SLC25A31: variants seen among roughly 807,000 people sequenced by gnomAD.
SLC25A31 encodes the protein ADP/ATP translocase 4.
A neutral mutation model predicts 36.2 loss-of-function variants in SLC25A31; 40 were observed. The ratio of observed to expected loss-of-function variants is 1.10; its 90% CI spans 0.86 to 1.44. The LOEUF (loss-of-function observed/expected upper bound fraction) is 1.44. SLC25A31 is among the 40% of genes most tolerant of loss of function. The pLI is 0.00. For synonymous variants in SLC25A31, 143 were observed against 149.7 expected (o/e 0.96, Z 0.32); for missense variants, 350 against 397.1 (o/e 0.88, Z 1.01).
intron 2 of SLC25A31, among the ~76,000 whole-genome samples, chr4:127,759,050 ATTGCT>A (rs1224489145): frequency 6.6e-6 from 1 of 152,058 alleles, no homozygotes; most frequent in East Asian, 1.9e-4. Context: ...TGAATCTGTA[ATTGCT>A]TTGGGCAGTA....
In SLC25A31 at chr4:127,750,242, TAAG is replaced by T. The variant is rs1731904259; in HGVS notation, c.360+5444_360+5446del. Among the ~76,000 whole-genome samples, 2 of 152,152 alleles carry T rather than the reference TAAG, an allele frequency of 1.3e-5. 1 individual carries two copies. Among genetic ancestry groups the T allele is most frequent in the South Asian group, 4.1e-4 (2 of 4,828 alleles). The stretch of plus-strand genomic sequence containing the variant: ...ATGAAAACATATGAAAGTATAAACT[TAAG>T]TGGTAAAGGTATACAGGTGCTCGTC... On this transcript the variant is annotated intron_variant, in intron 2 of 5. Coordinates refer to ENST00000281154, the MANE Select transcript of SLC25A31 (RefSeq NM_031291.4).
intron 2 of SLC25A31, among the ~76,000 whole-genome samples, chr4:127,761,435 T>C (rs977141360): frequency 2.0e-5 from 3 of 152,234 alleles, no homozygotes; most frequent in African/African-American, 4.8e-5. Context: ...AGGAAAAAGA[T>C]GATTTATTGT....
chr4:127,762,315 A>C (rs753788113), intron 2 of SLC25A31, among the ~76,000 whole-genome samples: 2 of 152,184 alleles, frequency 1.3e-5, no homozygotes, highest in Non-Finnish European at 2.9e-5. Context: ...AAATGAAGGA[A>C]ACCAGTCAAA....
chr4:127,757,248 A>T (rs1165743947), intron 2 of SLC25A31, among the ~76,000 whole-genome samples: 1 of 152,214 alleles, frequency 6.6e-6, no homozygotes, highest in Non-Finnish European at 1.5e-5. Flanking sequence ...AATAGTCAAC[A>T]TGGTACCCAA....
intron 1 of SLC25A31, among the ~76,000 whole-genome samples, chr4:127,731,647 C>A (rs1025478540): frequency 1.3e-5 from 2 of 152,066 alleles, no homozygotes; most frequent in African/African-American, 2.4e-5. Flanking sequence ...ATCGCGCCAC[C>A]GCACTCCAGC....
intron 2 of SLC25A31, among the ~76,000 whole-genome samples, chr4:127,745,308 T>C (rs1431000991): frequency 1.5e-4 from 2 of 13,686 alleles, no homozygotes; most frequent in African/African-American, 4.9e-4. Flanking sequence ...GCAAGGATAC[T>C]TTTTTTTTTT....
At chr4:127,773,064 T>G (rs1479807059) in intron 5 of SLC25A31, among the ~76,000 whole-genome samples, 1 of 152,210 alleles carries the variant, frequency 6.6e-6, no homozygotes, top group Non-Finnish European at 1.5e-5. Context: ...ATTACAGGCA[T>G]GAGCCACCAT....
rs1274226449 is a variant in SLC25A31, at chr4:127,767,176, A to T, written c.589A>T (p.Ile197Phe). The change falls in exon 4 of 6, where the codon ATT becomes TTT. Residue 197 changes from isoleucine to phenylalanine, a missense_variant. By Grantham distance (21) the Ile-to-Phe change is conservative. Transcript: ENST00000281154. ...QGFGVSVQGI[I>F]VYRASYFGAY... ...GTTTGGTGTTTCAGTACAGGGCATC[A>T]TTGTGTACCGAGCCTCTTATTTTGG... 1.9e-6 allele frequency: 3 copies of T among 1,612,032 alleles called. No homozygotes were observed. Among genetic ancestry groups the T allele is most frequent in the Non-Finnish European group, 2.5e-6 (3 of 1,178,994 alleles).
At chr4:127,736,168 C>T (rs530924318) in intron 1 of SLC25A31, among the ~76,000 whole-genome samples, 3 of 152,174 alleles carry the variant, frequency 2.0e-5, no homozygotes, top group South Asian at 4.1e-4. Context: ...GGATTACAGG[C>T]GTGAATGCCT....
chr4:127,768,752 G>A lies in SLC25A31; in HGVS notation c.634G>A (p.Gly212Ser). Residue 212 changes from glycine to serine, a missense_variant and splice_region_variant, in exon 5 of 6, where the codon GGT (glycine) becomes AGT (serine). Transcript: ENST00000281154. The stretch of plus-strand genomic sequence containing the variant: ...TACTTGGCACATTTTTCTTTTCTAG[G>A]GTTTATTACCAAAGCCAAAGAAAAC... ...SYFGAYDTVKGLLPKPKKTPF... is the reference protein window; with the variant it reads ...SYFGAYDTVKSLLPKPKKTPF... 1.9e-6 allele frequency: 3 copies of A among 1,584,136 alleles called. No individual in the cohort carries two copies. Among genetic ancestry groups the A allele is most frequent in the Non-Finnish European group, 1.7e-6 (2 of 1,168,484 alleles).
chr4:127,730,822 G>A (rs751001835), intron 1 of SLC25A31, 45 bp downstream of exon 1: 4 of 1,544,332 alleles, frequency 2.6e-6, no homozygotes, highest in East Asian at 2.4e-5. Flanking sequence ...CGGCGCCCTC[G>A]TCAGCTTCCC....
At chr4:127,742,902 T>C (rs1731757544) in intron 1 of SLC25A31, among the ~76,000 whole-genome samples, 1 of 152,192 alleles carries the variant, frequency 6.6e-6, no homozygotes, top group Non-Finnish European at 1.5e-5. Flanking sequence ...TAAGAGCATG[T>C]TGTTTAATTT....
chr4:127,745,121 G>A lies in SLC25A31; in HGVS notation c.360+322G>A, dbSNP rs576985204. Among the ~76,000 whole-genome samples the A allele has an allele frequency of 7.9e-5, 12 of 152,148 alleles. No homozygotes were observed. In the South Asian group the frequency reaches 1.2e-3, roughly 16 times the overall value. ...GGCATTTTGTCTGCTTATTTTAAGC[G>A]CAGAAAGAAATCAACAAGTACGTAG... On this transcript the variant is annotated intron_variant, in intron 2 of 5. Transcript: ENST00000281154.
At chr4:127,736,111 G>A (rs1352868034) in intron 1 of SLC25A31, among the ~76,000 whole-genome samples, 3 of 151,412 alleles carry the variant, frequency 2.0e-5, no homozygotes, top group Admixed American at 2.0e-4. Flanking sequence ...GGATGGTCTC[G>A]ATCTCCTGAC....
At chr4:127,731,404 G>A (rs1378390177) in intron 1 of SLC25A31, among the ~76,000 whole-genome samples, 1 of 151,588 alleles carries the variant, frequency 6.6e-6, no homozygotes, top group Non-Finnish European at 1.5e-5. Context: ...CAGTCATCAA[G>A]ATAAAAAGTA....
intron 2 of SLC25A31, among the ~76,000 whole-genome samples, chr4:127,748,810 A>G (rs1731869519): frequency 6.6e-6 from 1 of 152,188 alleles, no homozygotes; most frequent in Non-Finnish European, 1.5e-5. Context: ...CTAAGACTGC[A>G]AGAAAAGTTT....
intron 4 of SLC25A31, among the ~76,000 whole-genome samples, chr4:127,768,417 A>C (rs1339571385): frequency 6.6e-6 from 1 of 152,128 alleles, no homozygotes; most frequent in Non-Finnish European, 1.5e-5. Context: ...TGATAAAAGC[A>C]AGCATTTGTT....
chr4:127,732,460 A>G (rs1731544993), intron 1 of SLC25A31, among the ~76,000 whole-genome samples: 1 of 152,222 alleles, frequency 6.6e-6, no homozygotes, highest in Non-Finnish European at 1.5e-5. Flanking sequence ...AAAAGCAAGG[A>G]ACCTGTCTCT....
At chr4:127,749,349 A>T (rs1212090951) in intron 2 of SLC25A31, among the ~76,000 whole-genome samples, 4 of 152,194 alleles carry the variant, frequency 2.6e-5, no homozygotes, top group Non-Finnish European at 4.4e-5. Context: ...GCTTATTTTT[A>T]AAAATATTGT....
Sources: gnomAD v4.1 joint callset for allele counts (sites outside exome capture counted in the v4.1 genomes callset) on GRCh38, gnomAD v4.1.1 for gene constraint, MANE v1.5 for transcripts, NCBI Gene and HGNC (gene_info 2026-07-23, HGNC 2026-07-21) for gene names.